RNF128: variants seen among roughly 807,000 people sequenced by gnomAD.
RNF128 encodes E3 ubiquitin-protein ligase RNF128.
Under a neutral mutation model 26.2 loss-of-function variants are expected in RNF128, and 13 were observed. That is an observed-to-expected ratio of 0.50 (90% CI 0.32 to 0.79). RNF128 has a LOEUF of 0.79. RNF128 is among the 30% of genes least tolerant of loss of function. RNF128 has a pLI of 0.03. For missense variants in RNF128, 315 were observed against 349.7 expected (o/e 0.90, Z 0.79); for synonymous variants, 149 against 142.5 (o/e 1.05, Z -0.32).
At chrX:106,786,054 T>C (rs1281594918) in intron 3 of RNF128, among the ~76,000 whole-genome samples, 1 of 111,896 alleles carries the variant, frequency 8.9e-6, no homozygotes, top group East Asian at 2.8e-4. Context: ...TGTAAATCTT[T>C]TATAGAAATT....
At chrX:106,766,681 G>A (rs901310754) in intron 1 of RNF128, among the ~76,000 whole-genome samples, 36 of 111,685 alleles carry the variant, frequency 3.2e-4, no homozygotes, top group African/African-American at 9.4e-4. Context: ...TCACTCTGAC[G>A]GTAGTTTCTT....
At chrX:106,763,004 A>T (rs916453908) in intron 1 of RNF128, among the ~76,000 whole-genome samples, 1 of 109,068 alleles carries the variant, frequency 9.2e-6, no homozygotes, top group African/African-American at 3.3e-5. Context: ...GTGCAAGATC[A>T]GTTGAGATCA....
intron 1 of RNF128, among the ~76,000 whole-genome samples, chrX:106,696,124 A>G (rs989392309): frequency 8.9e-6 from 1 of 111,999 alleles, no homozygotes; most frequent in African/African-American, 3.2e-5. Context: ...TTAAAGCTAC[A>G]GTATTGCACC....
At chrX:106,712,591 C>T (rs913272358) in intron 1 of RNF128, among the ~76,000 whole-genome samples, 8 of 111,270 alleles carry the variant, frequency 7.2e-5, no homozygotes, top group Non-Finnish European at 1.5e-4. Context: ...GCATTCTCCA[C>T]GTTTTTTTCT....
At chrX:106,715,413 C>A (rs1047125476) in intron 1 of RNF128, among the ~76,000 whole-genome samples, 16 of 112,142 alleles carry the variant, frequency 1.4e-4, no homozygotes, top group Non-Finnish European at 3.0e-4. Flanking sequence ...GGAAAAAGTT[C>A]TTTTTACATA....
At chrX:106,765,222 G>T (rs1356811955) in intron 1 of RNF128, among the ~76,000 whole-genome samples, 1 of 111,698 alleles carries the variant, frequency 9.0e-6, no homozygotes, top group Non-Finnish European at 1.9e-5. Context: ...GGAATGTTAA[G>T]GATCTATAAT....
intron 2 of RNF128, among the ~76,000 whole-genome samples, chrX:106,774,621 C>A (rs750004331): frequency 8.9e-6 from 1 of 112,245 alleles, no homozygotes; most frequent in South Asian, 3.7e-4. Context: ...TTTCTACCTT[C>A]ATTATATATC....
In RNF128 at chrX:106,795,684, G is replaced by A. The variant is rs140667917; in HGVS notation, c.1258G>A (p.Glu420Lys). 466 of 1,196,804 alleles carry A rather than the reference G, an allele frequency of 3.9e-4. 3 individuals are homozygous for A. Among genetic ancestry groups the A allele is most frequent in the Middle Eastern group, 2.3e-4 (1 of 4,326 alleles). Reference protein sequence around the residue: ...TFEEDETPNQETAVREIKS With the variant: ...TFEEDETPNQKTAVREIKS The stretch of plus-strand genomic sequence containing the variant: ...TGAAGAAGACGAAACTCCTAATCAA[G>A]AGACTGCTGTTCGAGAAATTAAATC... Residue 420 changes from glutamate (E) to lysine (K), a missense_variant, in exon 7 of 7, where the codon GAG becomes AAG. Coordinates refer to ENST00000255499, the MANE Select transcript of RNF128 (RefSeq NM_194463.2).
At chrX:106,781,716 A>AT (rs1258761824) in intron 2 of RNF128, among the ~76,000 whole-genome samples, 1 of 112,052 alleles carries the variant, frequency 8.9e-6, no homozygotes, top group Non-Finnish European at 1.9e-5. Flanking sequence ...AAATACTCAA[A>AT]TTTTCTTTTA....
At chrX:106,733,206 A>C (rs987704670) in intron 1 of RNF128, among the ~76,000 whole-genome samples, 1 of 111,475 alleles carries the variant, frequency 9.0e-6, no homozygotes, top group Non-Finnish European at 1.9e-5. Flanking sequence ...AAGGAAATTG[A>C]GCATCTGTGG....
chrX:106,772,840 A>G, intron 1 of RNF128, 73 bp from the exon 2 acceptor site: 7 of 1,073,596 alleles, frequency 6.5e-6, no homozygotes, highest in Non-Finnish European at 8.8e-6. Context: ...CCCATTTAAA[A>G]TCATTTTAGC....
rs1384074756 is a variant in RNF128, at chrX:106,696,121, T to A, written c.406+1713T>A. On this transcript the variant is annotated intron_variant, in intron 1 of 6. Coordinates refer to the RNF128 transcript ENST00000324342. ...CACATGATCAAAAATATTTTAAAGC[T>A]ACAGTATTGCACCTATTTTAAAATA... Among the ~76,000 whole-genome samples, 5 of 111,876 alleles carry A rather than the reference T, an allele frequency of 4.5e-5. No individual in the cohort carries two copies. The Admixed American group carries it at 4.8e-4, about 11-fold the overall frequency.
intron 1 of RNF128, among the ~76,000 whole-genome samples, chrX:106,769,728 T>C (rs1930335559): frequency 9.0e-6 from 1 of 110,651 alleles, no homozygotes; most frequent in Non-Finnish European, 1.9e-5. Context: ...GTCTTTTAAT[T>C]GGAGCATTTA....
At chrX:106,727,932 CT>C (rs1192169548) in intron 1 of RNF128, among the ~76,000 whole-genome samples, 4 of 111,570 alleles carry the variant, frequency 3.6e-5, no homozygotes, top group Non-Finnish European at 7.5e-5. Flanking sequence ...GGGTTCTTCT[CT>C]GCCCAGTGGT....
intron 1 of RNF128, among the ~76,000 whole-genome samples, chrX:106,751,093 C>G (rs1239867148): frequency 9.0e-6 from 1 of 111,648 alleles, no homozygotes; most frequent in Non-Finnish European, 1.9e-5. Flanking sequence ...ACTCCCCACA[C>G]AAGAAAGCAT....
At chrX:106,721,753 G>A (rs1196124015), upstream of RNF128, among the ~76,000 whole-genome samples, 1 of 111,929 alleles carries the variant, frequency 8.9e-6, no homozygotes, top group Non-Finnish European at 1.9e-5. Context: ...AGGGAAAATA[G>A]TTAAGTCATT....
chrX:106,767,124 T>C (rs1930264592), intron 1 of RNF128, among the ~76,000 whole-genome samples: 1 of 111,932 alleles, frequency 8.9e-6, no homozygotes, highest in Admixed American at 9.5e-5. Context: ...TGTAGCCTTG[T>C]AGTATAGTTT....
At chrX:106,788,500 ATATAAT>A (rs1407882033) in intron 4 of RNF128, among the ~76,000 whole-genome samples, 46 of 55,970 alleles carry the variant, frequency 8.2e-4, no homozygotes, top group South Asian at 2.1e-3. Flanking sequence ...AATTATAATT[ATATAAT>A]TATAATTATA....
At chrX:106,793,389 T>A (rs367594485) in intron 6 of RNF128, among the ~76,000 whole-genome samples, 3 of 111,650 alleles carry the variant, frequency 2.7e-5, no homozygotes, top group African/African-American at 9.8e-5. Flanking sequence ...TGAAATGATT[T>A]CAGACTGACT....
Sources: allele counts gnomAD v4.1 joint callset (sites outside exome capture counted in the v4.1 genomes callset), GRCh38; gene constraint gnomAD v4.1.1; transcripts MANE v1.5; gene names NCBI Gene and HGNC (gene_info 2026-07-23, HGNC 2026-07-21).